The following TRHDE variants were observed in gnomAD, a reference collection of about 807,000 sequenced individuals.
TRHDE encodes the protein thyrotropin-releasing hormone-degrading ectoenzyme.
Under a neutral mutation model 125.7 loss-of-function variants are expected in TRHDE, and 72 were observed. That is an observed-to-expected ratio of 0.57 (90% confidence interval 0.47 to 0.70). The LOEUF is 0.70. TRHDE is among the 30% of genes least tolerant of loss of function. The probability of loss-of-function intolerance (pLI) is 0.00; values close to 1 mark genes in which losing one functional copy is unlikely to be tolerated. For synonymous variants in TRHDE, 509 were observed against 509.1 expected, an observed-to-expected ratio of 1.00 and a Z score of 0.00; for missense variants, 1,110 against 1,327.1, an observed-to-expected ratio of 0.84 and a Z score of 2.54.
At chr12:72,161,549 T>A (rs1053782062) in intron 2 of TRHDE, among the ~76,000 whole-genome samples, 11 of 152,182 alleles carry the variant, frequency 7.2e-5, no homozygotes, top group African/African-American at 2.7e-4. Flanking sequence ...ATATTATGTG[T>A]CTGGTCATAT....
rs1368295073 is a variant in TRHDE, at chr12:72,517,657, TG to T, written c.1722+18023del. 6.6e-5 allele frequency among the ~76,000 whole-genome samples: 10 copies of T among 152,244 alleles called. No homozygotes were observed. In the South Asian group the frequency reaches 1.9e-3, roughly 28 times the overall value. On this transcript the variant is annotated intron_variant, in intron 6 of 18. Coordinates refer to ENST00000261180, the MANE Select transcript of TRHDE (RefSeq NM_013381.3). The stretch of plus-strand genomic sequence containing the variant: ...GTCTCTATGTCCTTCAGTTCTGCTC[TG>T]ATTTTAGTTATTTCTTGCCTTCTGC...
rs550578142 is a variant in TRHDE at position 72,544,339 on chromosome 12, C to T, written c.1788+1983C>T. ...GAGTTGATATTAATGTGCTTCCCAT[C>T]CAGAAGGCCCTGGGGAGTCTTGGTT... is the stretch of plus-strand genomic sequence containing the variant. On this transcript the variant is annotated intron_variant, in intron 7 of 18. Transcript: ENST00000261180. Among the ~76,000 whole-genome samples the T allele has an allele frequency of 3.3e-5, 5 of 151,494 alleles. No individual in the cohort carries two copies. In the South Asian group the frequency reaches 1.0e-3, roughly 31 times the overall value.
intron 12 of TRHDE, among the ~76,000 whole-genome samples, chr12:72,579,124 T>C (rs1193256929): frequency 2.0e-5 from 3 of 152,000 alleles, no homozygotes; most frequent in Non-Finnish European, 4.4e-5. Flanking sequence ...TTTTGTTGTG[T>C]ATGTGTATTT....
chr12:72,317,947 G>T (rs138993653), intron 2 of TRHDE, among the ~76,000 whole-genome samples: 4 of 152,108 alleles, frequency 2.6e-5, no homozygotes, highest in Non-Finnish European at 4.4e-5. Context: ...TAAGAGGTTG[G>T]GGGAGTGGGT....
At chr12:72,347,475 C>T (rs1420701556) in intron 2 of TRHDE, among the ~76,000 whole-genome samples, 1 of 152,058 alleles carries the variant, frequency 6.6e-6, no homozygotes, top group East Asian at 1.9e-4. Context: ...TGTGGGTTAG[C>T]AATCCGAATG....
intron 2 of TRHDE, among the ~76,000 whole-genome samples, chr12:72,220,795 G>A: frequency 6.6e-6 from 1 of 151,950 alleles, no homozygotes; most frequent in East Asian, 1.9e-4. Flanking sequence ...ATTTTTTGTT[G>A]TTGTTGGCTG....
At chr12:72,156,390 GCACCCACTGTCCTA>G (rs1312725764) in intron 2 of TRHDE, among the ~76,000 whole-genome samples, 1 of 152,166 alleles carries the variant, frequency 6.6e-6, no homozygotes, top group Non-Finnish European at 1.5e-5. Flanking sequence ...TCGGTGCACT[GCACCCACTGTCCTA>G]CACCCACTGT....
intron 12 of TRHDE, among the ~76,000 whole-genome samples, chr12:72,579,410 G>A (rs148943856): frequency 1.2e-3 from 177 of 152,106 alleles, no homozygotes; most frequent in African/African-American, 3.9e-3. Context: ...TTTCTTCTGT[G>A]AATTATCACC....
chr12:72,224,065 CCTATCTATCTATCCAT>C (rs1265778779), intron 2 of TRHDE, among the ~76,000 whole-genome samples: 43,634 of 140,864 alleles, frequency 0.31, 7,156 homozygotes, highest in Admixed American at 0.37. Context: ...ATGTGTCCTT[CCTATCTATCTATCCAT>C]CTATCTATCC....
intron 2 of TRHDE, among the ~76,000 whole-genome samples, chr12:72,177,661 A>C (rs1208672020): frequency 1.3e-5 from 2 of 152,116 alleles, no homozygotes; most frequent in African/African-American, 4.8e-5. Flanking sequence ...GTGGGCTTAG[A>C]CAATAAAACT....
intron 5 of TRHDE, 92 bp from the exon 6 acceptor site, chr12:72,499,406 G>A: frequency 1.4e-6 from 2 of 1,455,556 alleles, no homozygotes; most frequent in South Asian, 2.7e-5. Context: ...ATGAACATCA[G>A]CAATTAAGTG....
At chr12:72,607,453 T>C (rs760714541) in intron 12 of TRHDE, among the ~76,000 whole-genome samples, 1 of 152,068 alleles carries the variant, frequency 6.6e-6, no homozygotes, top group Non-Finnish European at 1.5e-5. Flanking sequence ...TATGTGAAAA[T>C]GGAATAGTTT....
At chr12:72,646,983 A>G (rs916676409) in intron 15 of TRHDE, among the ~76,000 whole-genome samples, 1 of 152,064 alleles carries the variant, frequency 6.6e-6, no homozygotes, top group African/African-American at 2.4e-5. Flanking sequence ...CTTAACAGAC[A>G]TACACAGAAT....
chr12:72,392,511 A>G (rs1361126613), intron 3 of TRHDE, among the ~76,000 whole-genome samples: 1 of 152,238 alleles, frequency 6.6e-6, no homozygotes, highest in Non-Finnish European at 1.5e-5. Context: ...CATAATCAAT[A>G]TCACAATGAT....
At chr12:72,317,249 G>A (rs1230445108) in intron 2 of TRHDE, among the ~76,000 whole-genome samples, 1 of 152,116 alleles carries the variant, frequency 6.6e-6, no homozygotes, top group Non-Finnish European at 1.5e-5. Context: ...AGATGACCAA[G>A]GTTTAATCTC....
chr12:72,521,795 A>G (rs761344771), intron 6 of TRHDE, among the ~76,000 whole-genome samples: 7 of 152,228 alleles, frequency 4.6e-5, no homozygotes, highest in Non-Finnish European at 1.0e-4. Flanking sequence ...GGTCTGTCAC[A>G]GCAGGAACCT....
rs1188300037 is a variant in TRHDE at position 72,238,311 on chromosome 12, T to TAC, written n.279+132560_279+132561insCA. On this transcript the variant is annotated intron_variant and non_coding_transcript_variant, in intron 2 of 4. Coordinates refer to the TRHDE transcript ENST00000548156. ...ATATATATATATATATATATATATA[T>TAC]ATATATATATACATATATATATACA... is the stretch of plus-strand genomic sequence containing the variant. Among the ~76,000 whole-genome samples, 23 of 32,566 alleles carry TAC rather than the reference T, an allele frequency of 7.1e-4. 2 individuals are homozygous for TAC. The highest frequency in any genetic ancestry group is 2.4e-3 in the African/African-American group (21 of 8,850). 21.4% of individuals were successfully genotyped at this position (32,566 alleles called of 152,430 possible). A position where few individuals can be genotyped will look rare whatever the true frequency, so the allele number is the denominator to read the frequency against.
At chr12:72,088,093 G>C (rs1874710073) in intron 1 of TRHDE, among the ~76,000 whole-genome samples, 1 of 152,154 alleles carries the variant, frequency 6.6e-6, no homozygotes, top group African/African-American at 2.4e-5. Context: ...AAATCCAAGA[G>C]GTTGTGTTTA....
In TRHDE at chr12:72,631,632, A is replaced by G. The variant is rs574960311; in HGVS notation, c.2675+9881A>G. On this transcript the variant is annotated intron_variant, in intron 15 of 18. Coordinates refer to ENST00000261180, the MANE Select transcript of TRHDE (RefSeq NM_013381.3). ...AATTTCTCTTTTTAAAAAGTACAGCATTTTTTAATATGATGAATCAATTAA... is the reference window on the plus strand; with the variant it reads ...AATTTCTCTTTTTAAAAAGTACAGCGTTTTTTAATATGATGAATCAATTAA... Among the ~76,000 whole-genome samples the G allele has an allele frequency of 3.2e-4, 48 of 152,086 alleles. No homozygotes were observed. The East Asian group carries it at 5.6e-3, about 18-fold the overall frequency.
Sources: allele counts gnomAD v4.1 joint callset (sites outside exome capture counted in the v4.1 genomes callset), GRCh38; gene constraint gnomAD v4.1.1; transcripts MANE v1.5; gene names NCBI Gene and HGNC (gene_info 2026-07-23, HGNC 2026-07-21).